The following SKIC3 variants were observed in gnomAD, a reference collection of about 807,000 sequenced individuals.
SKIC3 encodes the protein superkiller complex protein 3.
chr5:95,522,111 C>A, the SKIC3 span: 1 of 1,613,772 alleles, frequency 6.2e-7, no homozygotes, highest in South Asian at 1.1e-5. Context: ...TATTGAGCTA[C>A]AGCCTCCTTA....
chr5:95,497,522 A>C, the SKIC3 span: 1 of 1,560,470 alleles, frequency 6.4e-7, no homozygotes, highest in South Asian at 1.1e-5. Context: ...CTTAGGGACA[A>C]GTTACTTTAA....
the SKIC3 span, chr5:95,525,279 C>A: frequency 2.6e-3 from 2,486 of 944,182 alleles, 29 homozygotes; most frequent in African/African-American, 0.029. Context: ...AAACTTAAAG[C>A]CTACAAAGAT....
chr5:95,478,080 C>T, the SKIC3 span, among the ~76,000 whole-genome samples: 1 of 151,620 alleles, frequency 6.6e-6, no homozygotes, highest in Non-Finnish European at 1.5e-5. Context: ...ATCTTTTTTC[C>T]CCAAACATCG....
the SKIC3 span, chr5:95,520,770 T>C: frequency 1.2e-6 from 2 of 1,612,408 alleles, no homozygotes; most frequent in Non-Finnish European, 1.7e-6. Context: ...TCCATCAAGA[T>C]AATCAACTAG....
At chr5:95,524,405 A>G in the SKIC3 span, 1 of 1,600,484 alleles carries the variant, frequency 6.2e-7, no homozygotes, top group South Asian at 1.1e-5. Context: ...GTATATGATT[A>G]TTATTTATGA....
At chr5:95,497,375 G>C in the SKIC3 span, 1 of 1,489,482 alleles carries the variant, frequency 6.7e-7, no homozygotes, top group South Asian at 1.2e-5. Context: ...CATATCACAA[G>C]TTATTTTATC....
chr5:95,500,399 C>T, the SKIC3 span, among the ~76,000 whole-genome samples: 1 of 152,162 alleles, frequency 6.6e-6, no homozygotes, highest in South Asian at 2.1e-4. Flanking sequence ...TAAACCAAAA[C>T]AGGAAATACT....
At chr5:95,523,894 C>T in the SKIC3 span, 7 of 1,474,946 alleles carry the variant, frequency 4.7e-6, no homozygotes, top group Non-Finnish European at 6.6e-6. Flanking sequence ...AGTATCTTTA[C>T]AAATACAGAA....
At chr5:95,546,739 A>G in the SKIC3 span, among the ~76,000 whole-genome samples, 1 of 152,214 alleles carries the variant, frequency 6.6e-6, no homozygotes, top group Admixed American at 6.5e-5. Flanking sequence ...AACCAAATAG[A>G]AATAGAACAC....
chr5:95,486,721 C>T, the SKIC3 span, among the ~76,000 whole-genome samples: 9 of 152,274 alleles, frequency 5.9e-5, no homozygotes, highest in South Asian at 2.1e-4. Context: ...TCCAATCTGC[C>T]GCTAACACCG....
At chr5:95,522,846 G>A in the SKIC3 span, among the ~76,000 whole-genome samples, 1 of 152,080 alleles carries the variant, frequency 6.6e-6, no homozygotes, top group African/African-American at 2.4e-5. Context: ...TCATATATGA[G>A]CTGCTCCCAA....
chr5:95,547,808 G>C, the SKIC3 span, among the ~76,000 whole-genome samples: 41 of 152,064 alleles, frequency 2.7e-4, no homozygotes, highest in African/African-American at 9.9e-4. Context: ...TTCAGTGACT[G>C]TGATATGAAA....
the SKIC3 span, among the ~76,000 whole-genome samples, chr5:95,468,146 T>C: frequency 6.6e-6 from 1 of 152,192 alleles, no homozygotes; most frequent in African/African-American, 2.4e-5. Context: ...GTAATAATGG[T>C]TAATATCTAT....
the SKIC3 span, among the ~76,000 whole-genome samples, chr5:95,552,588 G>A: frequency 6.6e-6 from 1 of 151,996 alleles, no homozygotes; most frequent in Non-Finnish European, 1.5e-5. Flanking sequence ...TTGAGCACAC[G>A]CCTGGGGAAA....
chr5:95,501,707 T>C, the SKIC3 span, among the ~76,000 whole-genome samples: 214 of 151,932 alleles, frequency 1.4e-3, no homozygotes, highest in African/African-American at 5.0e-3. Flanking sequence ...AAAGATTGTA[T>C]ATATATATAT....
At chr5:95,542,294 A>G in the SKIC3 span, among the ~76,000 whole-genome samples, 1 of 152,138 alleles carries the variant, frequency 6.6e-6, no homozygotes, top group Non-Finnish European at 1.5e-5. Flanking sequence ...TTGTGATATC[A>G]TTGACATATA....
At chr5:95,506,838 G>A in the SKIC3 span, 2 of 1,210,202 alleles carry the variant, frequency 1.7e-6, no homozygotes, top group East Asian at 4.7e-5. Flanking sequence ...ACATGTACCA[G>A]TATTCTAGGA....
chr5:95,476,005 C>T, the SKIC3 span, among the ~76,000 whole-genome samples: 1 of 152,252 alleles, frequency 6.6e-6, no homozygotes, highest in African/African-American at 2.4e-5. Context: ...TGATCATTCA[C>T]TCCATGCCCA....
chr5:95,494,725 A>AC, the SKIC3 span: 1 of 1,613,690 alleles, frequency 6.2e-7, no homozygotes, highest in Non-Finnish European at 8.5e-7. Flanking sequence ...TTAGTGCAGT[A>AC]TTTTTTTCAT....
Sources: gnomAD v4.1 joint callset for allele counts (sites outside exome capture counted in the v4.1 genomes callset) on GRCh38, gnomAD v4.1.1 for gene constraint, MANE v1.5 for transcripts, NCBI Gene and HGNC (gene_info 2026-07-23, HGNC 2026-07-21) for gene names.